SPATA7: variants seen among roughly 807,000 people sequenced by gnomAD.
The protein encoded by SPATA7 is spermatogenesis-associated protein 7.
In SPATA7, 43 loss-of-function variants were observed where a neutral mutation model predicts 51.8. The observed-to-expected ratio is 0.83, with a 90% CI of 0.65 to 1.07. SPATA7 has a LOEUF of 1.07. Among genes scored for constraint, SPATA7 ranks in the 50% least tolerant of loss-of-function variants. SPATA7 has a pLI of 0.00. For missense variants in SPATA7, 683 were observed against 701.3 expected, an observed-to-expected ratio of 0.97 and a Z score of 0.30; for synonymous variants, 230 against 252.8, an observed-to-expected ratio of 0.91 and a Z score of 0.86.
At chr14:88,433,327 T>C in intron 10 of SPATA7, 115 bp downstream of exon 10, 1 of 722,866 alleles carries the variant, frequency 1.4e-6, no homozygotes, top group East Asian at 2.7e-5. Flanking sequence ...AATGAAAAAA[T>C]ATATTGCTTT....
At chr14:88,446,870 C>A (rs1414990641) in intron 3 of SPATA7, among the ~76,000 whole-genome samples, 12 of 151,996 alleles carry the variant, frequency 7.9e-5, no homozygotes, top group African/African-American at 2.9e-4. Flanking sequence ...AATTTCTGTT[C>A]TTTTACATTT....
intron 1 of SPATA7, among the ~76,000 whole-genome samples, chr14:88,389,370 A>AT (rs2075677294): frequency 6.6e-6 from 1 of 150,906 alleles, no homozygotes; most frequent in Non-Finnish European, 1.5e-5. Flanking sequence ...CACCCAGCTA[A>AT]TTTTGTATTT....
chr14:88,432,309 T>C (rs146706529), intron 9 of SPATA7, among the ~76,000 whole-genome samples: 75 of 152,306 alleles, frequency 4.9e-4, no homozygotes, highest in African/African-American at 1.7e-3. Flanking sequence ...TGAATCAGTT[T>C]GAAAGTGTAA....
downstream of SPATA7, chr14:88,438,548 C>T (rs975586691): frequency 2.6e-5 from 21 of 821,706 alleles, no homozygotes; most frequent in African/African-American, 1.2e-4. Context: ...AGAAACCTAG[C>T]GGCCTAATGT....
At chr14:88,432,620 A>G (rs1434105311) in intron 9 of SPATA7, 1 of 152,260 alleles carries the variant, frequency 6.6e-6, no homozygotes, top group Non-Finnish European at 1.5e-5. Context: ...TTTTCTGCTT[A>G]GTAAATTTCT....
At chr14:88,448,919 C>T (rs985391717) in intron 3 of SPATA7, among the ~76,000 whole-genome samples, 4 of 152,124 alleles carry the variant, frequency 2.6e-5, no homozygotes, top group African/African-American at 9.7e-5. Flanking sequence ...TTTTGTCCTG[C>T]TTATTTCTAA....
chr14:88,433,085 A>G lies in SPATA7; in HGVS notation c.1083-50A>G, dbSNP rs762544275. The G allele has an allele frequency of 2.1e-6, 3 of 1,424,368 alleles. No individual in the cohort carries two copies. In the African/African-American group the frequency reaches 4.2e-5, roughly 20 times the overall value. 88.2% of individuals were successfully genotyped at this position (1,424,368 alleles called of 1,614,324 possible). ...GGTACTAATGTTTCTTACAGTTTTC[A>G]GAATAAGTAAGGAATAATTTTTATG... On this transcript the variant is annotated intron_variant, in intron 9 of 11. Transcript: ENST00000393545.
chr14:88,442,172 C>CTGTTTGTT (rs56376187), downstream of SPATA7, among the ~76,000 whole-genome samples: 22,086 of 149,318 alleles, frequency 0.15, 1,831 homozygotes, highest in Middle Eastern at 0.2. Flanking sequence ...GTCTATATGC[C>CTGTTTGTT]TGTTTGTTTG....
In SPATA7 at chr14:88,385,694, T is replaced by C; in HGVS notation, c.-125T>C. 1 of 942,898 alleles carries C rather than the reference T, an allele frequency of 1.1e-6. No homozygotes were observed. Among genetic ancestry groups the C allele is most frequent in the Non-Finnish European group, 1.7e-6 (1 of 596,210 alleles). 58.4% of individuals were successfully genotyped at this position (942,898 alleles called of 1,614,324 possible). On this transcript the variant is annotated 5_prime_UTR_variant, in exon 1 of 12. Transcript: ENST00000393545. ...CCTTAGCAACGGCCTGGCAACGGTT[T>C]CCCTGCTGCTGCAGCCCCCGTCGGC... is the stretch of plus-strand genomic sequence containing the variant.
chr14:88,385,979 G>C (rs1257862691), intron 1 of SPATA7, 142 bp downstream of exon 1: 61 of 1,523,596 alleles, frequency 4.0e-5, no homozygotes, highest in Non-Finnish European at 5.3e-5. Flanking sequence ...GTTGCCTGGA[G>C]CTGCCCAGGC....
chr14:88,389,366 G>A (rs1268386053), intron 1 of SPATA7, among the ~76,000 whole-genome samples: 1 of 151,276 alleles, frequency 6.6e-6, no homozygotes, highest in African/African-American at 2.5e-5. Flanking sequence ...ACCACACCCA[G>A]CTAATTTTGT....
intron 4 of SPATA7, chr14:88,468,312 G>GAC (rs1256436530): frequency 4.0e-6 from 6 of 1,509,580 alleles, no homozygotes; most frequent in Non-Finnish European, 4.5e-6. Flanking sequence ...CCCCTGGGGA[G>GAC]ACAGAAAGGA....
chr14:88,385,963 G>T (rs922639486), intron 1 of SPATA7, 126 bp downstream of exon 1: 11 of 1,531,896 alleles, frequency 7.2e-6, no homozygotes, highest in African/African-American at 1.4e-5. Context: ...TGGCTGAGTC[G>T]CCAGTGTTGC....
At chr14:88,462,539 C>A (rs1304495475) in intron 4 of SPATA7, among the ~76,000 whole-genome samples, 1 of 152,204 alleles carries the variant, frequency 6.6e-6, no homozygotes, top group Non-Finnish European at 1.5e-5. Flanking sequence ...TCAGTGGTTT[C>A]ACATTTGACA....
intron 1 of SPATA7, 29 bp downstream of exon 1, chr14:88,385,866 C>G: frequency 6.3e-7 from 1 of 1,590,680 alleles, no homozygotes; most frequent in African/African-American, 1.3e-5. Flanking sequence ...GGGCTACCGC[C>G]GCCTCGCCCC....
downstream of SPATA7, among the ~76,000 whole-genome samples, chr14:88,458,646 A>G (rs545651754): frequency 1.4e-4 from 22 of 152,106 alleles, no homozygotes; most frequent in African/African-American, 5.1e-4. Flanking sequence ...CTAGCAGTCT[A>G]TCAATTTTGT....
downstream of SPATA7, among the ~76,000 whole-genome samples, chr14:88,458,237 C>T (rs571070474): frequency 1.1e-3 from 166 of 152,234 alleles, 2 homozygotes; most frequent in East Asian, 0.023. Flanking sequence ...TGATGCTGGC[C>T]TCATAAAATG....
chr14:88,438,440 C>T lies in SPATA7; in HGVS notation c.*18C>T, dbSNP rs1330164746. 1 of 1,530,426 alleles carries T rather than the reference C, an allele frequency of 6.5e-7. No individual in the cohort carries two copies. The highest frequency in any genetic ancestry group is 2.3e-5 in the East Asian group (1 of 44,410). 94.8% of individuals were successfully genotyped at this position (1,530,426 alleles called of 1,614,324 possible). A position where few individuals can be genotyped will look rare whatever the true frequency, so the allele number is the denominator to read the frequency against. On this transcript the variant is annotated 3_prime_UTR_variant, in exon 12 of 12. Coordinates refer to ENST00000393545, the MANE Select transcript of SPATA7 (RefSeq NM_018418.5). The stretch of plus-strand genomic sequence containing the variant: ...ATGTTTAATCTTCATTAATAAATAC[C>T]TCAAATGGCCAGTAACTCAATATTA...
intron 4 of SPATA7, chr14:88,415,331 G>T: frequency 4.1e-6 from 1 of 242,002 alleles, no homozygotes; most frequent in Non-Finnish European, 9.1e-6. Flanking sequence ...TATTGCTGTT[G>T]GTTTAAAGTC....
Sources: allele counts gnomAD v4.1 joint callset (sites outside exome capture counted in the v4.1 genomes callset), GRCh38; gene constraint gnomAD v4.1.1; transcripts MANE v1.5; gene names NCBI Gene and HGNC (gene_info 2026-07-23, HGNC 2026-07-21).